PRKN: variants seen among roughly 807,000 people sequenced by gnomAD.
The protein encoded by PRKN is parkin RBR E3 ubiquitin protein ligase.
PRKN carries 56 observed loss-of-function variants against 59.5 expected under a neutral mutation model. The observed-to-expected ratio is 0.94, with a 90% CI of 0.76 to 1.18. The LOEUF is 1.18. Among genes scored for constraint, PRKN ranks in the 50% most tolerant of loss-of-function variants. The pLI, the probability that PRKN is intolerant of heterozygous loss-of-function variation, is 0.00. For synonymous variants in PRKN, 250 were observed against 222.1 expected (o/e 1.13, Z -1.12); for missense variants, 657 against 596.4 (o/e 1.10, Z -1.06).
chr6:162,616,447 T>C (rs1782421186), intron 1 of PRKN, among the ~76,000 whole-genome samples: 2 of 152,158 alleles, frequency 1.3e-5, no homozygotes, highest in South Asian at 4.1e-4. Flanking sequence ...TTAAATGCCA[T>C]AAATATTATT....
intron 7 of PRKN, among the ~76,000 whole-genome samples, chr6:161,785,268 T>C (rs1408947343): frequency 6.6e-6 from 1 of 152,230 alleles, no homozygotes; most frequent in African/African-American, 2.4e-5. Context: ...TTAAAATGTA[T>C]ATATGTAATA....
Position 161,414,205 on chromosome 6 carries a change from G to C in PRKN, c.1084-27328C>G, listed in dbSNP as rs1054128249. ...GCTCTCAATCTCCATGCACAATTTT[G>C]CAGAAGAGGCTCTTTCCAGCATTTT... is the stretch of plus-strand genomic sequence containing the variant. On this transcript the variant is annotated intron_variant, in intron 9 of 11. Transcript: ENST00000366898. This position sits in a 1 kb window ranked among gnomAD's most constrained non-coding sequence, Gnocchi z 5.3. 1.3e-5 allele frequency among the ~76,000 whole-genome samples: 2 copies of C among 152,176 alleles called. No individual in the cohort carries two copies. Among genetic ancestry groups the C allele is most frequent in the Admixed American group, 1.3e-4 (2 of 15,282 alleles).
chr6:162,653,519 G>C (rs1778526759), intron 1 of PRKN, among the ~76,000 whole-genome samples: 1 of 152,106 alleles, frequency 6.6e-6, no homozygotes, highest in South Asian at 2.1e-4. Flanking sequence ...TAGACAAAAT[G>C]GGTAAATAAA....
chr6:162,373,218 T>C (rs1409479037), intron 2 of PRKN, among the ~76,000 whole-genome samples: 1 of 152,206 alleles, frequency 6.6e-6, no homozygotes, highest in Non-Finnish European at 1.5e-5. Flanking sequence ...AGCTTTCATG[T>C]AAAACAGAAT....
At chr6:161,819,926 A>C (rs1261398535) in intron 6 of PRKN, among the ~76,000 whole-genome samples, 1 of 152,212 alleles carries the variant, frequency 6.6e-6, no homozygotes, top group Non-Finnish European at 1.5e-5. Flanking sequence ...CCAAAACAGC[A>C]TAAAATTAAC....
At chr6:161,937,329 T>G (rs1481640673) in intron 6 of PRKN, among the ~76,000 whole-genome samples, 1 of 152,218 alleles carries the variant, frequency 6.6e-6, no homozygotes, top group Non-Finnish European at 1.5e-5. Context: ...GCTTACATGT[T>G]CTTACTATCA....
intron 6 of PRKN, among the ~76,000 whole-genome samples, chr6:161,860,402 G>A (rs1296100689): frequency 6.6e-6 from 1 of 152,148 alleles, no homozygotes; most frequent in African/African-American, 2.4e-5. Context: ...GGTGATAAAG[G>A]ACTTGAAAAG....
chr6:162,017,762 AG>A (rs1782982524), intron 5 of PRKN, among the ~76,000 whole-genome samples: 1 of 152,230 alleles, frequency 6.6e-6, no homozygotes, highest in South Asian at 2.1e-4. Context: ...TGTCACAGCA[AG>A]GGACTATATA....
intron 6 of PRKN, among the ~76,000 whole-genome samples, chr6:161,811,154 A>G (rs140292260): frequency 6.6e-6 from 1 of 152,304 alleles, no homozygotes; most frequent in East Asian, 1.9e-4. Flanking sequence ...GAAAAATGAA[A>G]CAAAATCTCA....
chr6:162,239,313 C>T (rs913856000), intron 3 of PRKN, among the ~76,000 whole-genome samples: 3 of 152,120 alleles, frequency 2.0e-5, no homozygotes, highest in Non-Finnish European at 4.4e-5. Context: ...TTTCCTGGCT[C>T]TAATTTGTTT....
At chr6:162,281,201 G>T (rs1232348451) in intron 2 of PRKN, among the ~76,000 whole-genome samples, 2 of 151,934 alleles carry the variant, frequency 1.3e-5, no homozygotes, top group Non-Finnish European at 2.9e-5. Flanking sequence ...TCACTCATAG[G>T]TGGGAATTGA....
chr6:161,913,436 C>T (rs1160853548), intron 6 of PRKN, among the ~76,000 whole-genome samples: 1 of 152,126 alleles, frequency 6.6e-6, no homozygotes, highest in African/African-American at 2.4e-5. Context: ...TTCAAGCTCA[C>T]TCAATCTTAT....
chr6:162,549,888 C>G (rs924586274), intron 1 of PRKN, among the ~76,000 whole-genome samples: 1 of 152,120 alleles, frequency 6.6e-6, no homozygotes, highest in African/African-American at 2.4e-5. Flanking sequence ...TCATCTGCCT[C>G]GGCCTCCCAA....
intron 7 of PRKN, among the ~76,000 whole-genome samples, chr6:161,619,981 CTTTTTTTTTTTTTTT>C (rs71004058): frequency 1.9e-4 from 12 of 63,172 alleles, no homozygotes; most frequent in African/African-American, 7.0e-4. Flanking sequence ...ACACATTATT[CTTTTTTTTTTTTTTT>C]TTTTTTTTTT....
At chr6:162,325,569 T>C (rs1027477651) in intron 2 of PRKN, among the ~76,000 whole-genome samples, 6 of 152,108 alleles carry the variant, frequency 3.9e-5, no homozygotes, top group Admixed American at 3.9e-4. Flanking sequence ...AGCAGGACAG[T>C]GGAATGCTAC....
At chr6:162,506,684 T>C (rs1179497928) in intron 1 of PRKN, among the ~76,000 whole-genome samples, 2 of 152,124 alleles carry the variant, frequency 1.3e-5, no homozygotes, top group African/African-American at 4.8e-5. Context: ...GAGGAATTCT[T>C]GCTTCGGGAG....
intron 2 of PRKN, among the ~76,000 whole-genome samples, chr6:162,417,548 A>G (rs892713139): frequency 3.3e-5 from 5 of 152,216 alleles, no homozygotes; most frequent in African/African-American, 1.2e-4. Flanking sequence ...GATTCAAAAT[A>G]TGAGTGACCT....
chr6:161,603,028 T>C (rs926982911), intron 7 of PRKN, among the ~76,000 whole-genome samples: 7 of 152,202 alleles, frequency 4.6e-5, no homozygotes, highest in African/African-American at 1.7e-4. Context: ...ACAAGAAATA[T>C]TTCCAGTAGA....
At chr6:161,928,528 C>G (rs1387109679) in intron 6 of PRKN, among the ~76,000 whole-genome samples, 1 of 152,018 alleles carries the variant, frequency 6.6e-6, no homozygotes, top group Non-Finnish European at 1.5e-5. Context: ...ATATTTCAGC[C>G]CTACAAGAAG....
Sources: allele counts gnomAD v4.1 joint callset (sites outside exome capture counted in the v4.1 genomes callset), GRCh38; gene constraint gnomAD v4.1.1; non-coding constraint Gnocchi (gnomAD v3.1); transcripts MANE v1.5; gene names NCBI Gene and HGNC (gene_info 2026-07-23, HGNC 2026-07-21).